NAV2: variants seen among roughly 807,000 people sequenced by gnomAD.
NAV2 encodes the protein neuron navigator 2.
Under a neutral mutation model 223.2 loss-of-function variants are expected in NAV2, and 54 were observed. That is an observed-to-expected ratio of 0.24 (90% CI 0.19 to 0.30). NAV2 has a LOEUF of 0.30. NAV2 is among the 10% of genes least tolerant of loss of function. NAV2 has a pLI of 1.00. For synonymous variants in NAV2, 1,279 were observed against 1,239.3 expected, an observed-to-expected ratio of 1.03 and a Z score of -0.67; for missense variants, 2,806 against 3,147.5, an observed-to-expected ratio of 0.89 and a Z score of 2.60.
intron 11 of NAV2, among the ~76,000 whole-genome samples, chr11:20,000,573 C>A (rs779980995): frequency 6.6e-6 from 1 of 152,112 alleles, no homozygotes; most frequent in Non-Finnish European, 1.5e-5. Context: ...CTCAAGGAAA[C>A]CTCCCAGAGG....
At chr11:19,841,981 G>A (rs1234253654) in intron 2 of NAV2, among the ~76,000 whole-genome samples, 1 of 152,200 alleles carries the variant, frequency 6.6e-6, no homozygotes, top group Non-Finnish European at 1.5e-5. Context: ...AAGAGGTCGA[G>A]TGACATGCCT....
At chr11:20,021,132 C>T (rs923642848) in intron 11 of NAV2, among the ~76,000 whole-genome samples, 1 of 152,150 alleles carries the variant, frequency 6.6e-6, no homozygotes, top group Non-Finnish European at 1.5e-5. Flanking sequence ...CTTTACAATA[C>T]GTTGTTCTCC....
chr11:19,587,637 C>G (rs1184399209), intron 1 of NAV2, among the ~76,000 whole-genome samples: 1 of 152,186 alleles, frequency 6.6e-6, no homozygotes, highest in Non-Finnish European at 1.5e-5. Flanking sequence ...TAATTCATGG[C>G]TGATGAACAT....
chr11:19,905,398 A>C (rs181482581), intron 6 of NAV2, among the ~76,000 whole-genome samples: 1 of 152,322 alleles, frequency 6.6e-6, no homozygotes, highest in Non-Finnish European at 1.5e-5. Context: ...GCCAGATAGG[A>C]ATGTTCATGC....
chr11:19,681,781 G>T (rs1407186882), intron 1 of NAV2, among the ~76,000 whole-genome samples: 1 of 152,178 alleles, frequency 6.6e-6, no homozygotes, highest in Admixed American at 6.5e-5. Context: ...TCCAGACCAG[G>T]TAGCTAGGAA....
chr11:19,741,708 T>C (rs1412592406), intron 1 of NAV2, among the ~76,000 whole-genome samples: 2 of 140,434 alleles, frequency 1.4e-5, no homozygotes, highest in African/African-American at 2.9e-5. Flanking sequence ...TATATATATA[T>C]ATATATATAT....
At chr11:19,397,929 G>A (rs909323064) in intron 1 of NAV2, among the ~76,000 whole-genome samples, 1 of 152,182 alleles carries the variant, frequency 6.6e-6, no homozygotes, top group Non-Finnish European at 1.5e-5. Context: ...CAGTGCCTCT[G>A]TGTGATGGGA....
intron 1 of NAV2, among the ~76,000 whole-genome samples, chr11:19,796,109 G>C (rs1048590362): frequency 1.3e-5 from 2 of 152,164 alleles, no homozygotes; most frequent in Non-Finnish European, 2.9e-5. Flanking sequence ...TTCATCAATG[G>C]GGGGATAGCC....
intron 1 of NAV2, among the ~76,000 whole-genome samples, chr11:19,464,772 A>G (rs949969394): frequency 6.6e-6 from 1 of 152,248 alleles, no homozygotes; most frequent in African/African-American, 2.4e-5. Context: ...CAAAAAGGTT[A>G]GGCCTTCCTG....
At chr11:19,892,393 T>C (rs944472138) in intron 5 of NAV2, 41 bp from the exon 6 acceptor site, 9 of 1,595,734 alleles carry the variant, frequency 5.6e-6, no homozygotes, top group Non-Finnish European at 7.7e-6. Flanking sequence ...CTGTTATTCT[T>C]CTGAGACTGA....
chr11:20,050,981 T>G (rs1005954771), intron 16 of NAV2, among the ~76,000 whole-genome samples: 5 of 152,210 alleles, frequency 3.3e-5, no homozygotes, highest in African/African-American at 1.2e-4. Flanking sequence ...ACCTCTGCTT[T>G]GAGGTGGAGC....
intron 1 of NAV2, among the ~76,000 whole-genome samples, chr11:19,620,461 G>C (rs1261047318): frequency 6.6e-6 from 1 of 152,076 alleles, no homozygotes; most frequent in Non-Finnish European, 1.5e-5. Context: ...AGTTCTCCTT[G>C]AAGAGGTCCT....
At chr11:19,426,909 G>T (rs1286992026) in intron 1 of NAV2, among the ~76,000 whole-genome samples, 1 of 152,138 alleles carries the variant, frequency 6.6e-6, no homozygotes, top group Non-Finnish European at 1.5e-5. Flanking sequence ...TGAGTTCAGT[G>T]CTGCTATTTG....
chr11:19,945,748 T>A (rs1377321717), intron 8 of NAV2, among the ~76,000 whole-genome samples: 2 of 152,224 alleles, frequency 1.3e-5, no homozygotes, highest in Non-Finnish European at 2.9e-5. Context: ...GATCCCAGTT[T>A]GTCTCCACAA....
intron 1 of NAV2, among the ~76,000 whole-genome samples, chr11:19,663,276 A>T (rs2048333828): frequency 6.6e-6 from 1 of 152,236 alleles, no homozygotes; most frequent in Admixed American, 6.5e-5. Flanking sequence ...AAATAACACA[A>T]GCTGATGTTT....
intron 1 of NAV2, among the ~76,000 whole-genome samples, chr11:19,488,220 C>T (rs1008873338): frequency 6.6e-6 from 1 of 152,120 alleles, no homozygotes; most frequent in African/African-American, 2.4e-5. Context: ...CCCTCCTCCA[C>T]CTTAGTAATT....
At chr11:19,728,231 C>A (rs761098313) in intron 1 of NAV2, among the ~76,000 whole-genome samples, 2 of 152,184 alleles carry the variant, frequency 1.3e-5, no homozygotes, top group Non-Finnish European at 2.9e-5. Context: ...GAGCACTGTT[C>A]TTAGAGTCAA....
intron 1 of NAV2, among the ~76,000 whole-genome samples, chr11:19,467,720 G>A (rs1041298359): frequency 6.6e-5 from 10 of 152,194 alleles, no homozygotes; most frequent in Admixed American, 2.0e-4. Context: ...TCCTGTCTTT[G>A]GAGCAGGTTG....
intron 36 of NAV2, among the ~76,000 whole-genome samples, chr11:20,110,016 C>A (rs2062489738): frequency 6.6e-6 from 1 of 152,252 alleles, no homozygotes; most frequent in African/African-American, 2.4e-5. Flanking sequence ...CTCCCCTTCC[C>A]ACCTAGGAGA....
Sources: allele counts gnomAD v4.1 joint callset (sites outside exome capture counted in the v4.1 genomes callset), GRCh38; gene constraint gnomAD v4.1.1; transcripts MANE v1.5; gene names NCBI Gene and HGNC (gene_info 2026-07-23, HGNC 2026-07-21).